FBXL17: variants seen among roughly 807,000 people sequenced by gnomAD.
FBXL17 encodes the protein F-box/LRR-repeat protein 17.
FBXL17 carries 22 observed loss-of-function variants against 66.2 expected under a neutral mutation model. That is an observed-to-expected ratio of 0.33 (90% CI 0.24 to 0.47). The LOEUF is 0.47. Ranked by LOEUF, FBXL17 falls within the 20% of genes least tolerant of loss-of-function variation. The pLI is 1.00. For synonymous variants in FBXL17, 474 were observed against 400.5 expected (o/e 1.18, Z -2.19); for missense variants, 878 against 948.2 (o/e 0.93, Z 0.97).
In FBXL17 at chr5:108,009,294, T is replaced by TAGATAGATAG. The variant is rs1451083581; in HGVS notation, c.1822+11630_1822+11631insCTATCTATCT. Reference sequence around the variant, plus strand: ...ATATATATATATATATATATATATATATATATACATATATACATACACATA... The same window carrying TAGATAGATAG: ...ATATATATATATATATATATATATATAGATAGATAGATATATACATATATACATACACATA... On this transcript the variant is annotated intron_variant, in intron 7 of 8. Coordinates refer to ENST00000542267, the MANE Select transcript of FBXL17 (RefSeq NM_001163315.3). Among the ~76,000 whole-genome samples, 39 of 68,492 alleles carry TAGATAGATAG rather than the reference T, an allele frequency of 5.7e-4. 5 individuals carry two copies. Among genetic ancestry groups the TAGATAGATAG allele is most frequent in the African/African-American group, 2.6e-3 (36 of 13,740 alleles). 44.9% of individuals were successfully genotyped at this position (68,492 alleles called of 152,430 possible).
At chr5:107,994,606 G>C (rs1327778747) in intron 7 of FBXL17, among the ~76,000 whole-genome samples, 1 of 152,194 alleles carries the variant, frequency 6.6e-6, no homozygotes, top group Non-Finnish European at 1.5e-5. Flanking sequence ...TTGGGAGGCT[G>C]AGGTGGGTGG....
At chr5:108,224,992 G>A (rs1372276108) in intron 4 of FBXL17, among the ~76,000 whole-genome samples, 1 of 152,032 alleles carries the variant, frequency 6.6e-6, no homozygotes, top group Non-Finnish European at 1.5e-5. Flanking sequence ...AAAGAGTACA[G>A]TTCAGTATAT....
intron 6 of FBXL17, among the ~76,000 whole-genome samples, chr5:108,041,310 A>G (rs1747037282): frequency 6.6e-6 from 1 of 152,230 alleles, no homozygotes; most frequent in Non-Finnish European, 1.5e-5. Flanking sequence ...GGTGTTAAGT[A>G]GAAAGGATTT....
At chr5:108,024,556 A>T (rs919624820) in intron 6 of FBXL17, among the ~76,000 whole-genome samples, 8 of 152,044 alleles carry the variant, frequency 5.3e-5, no homozygotes, top group Admixed American at 4.6e-4. Context: ...CCCTCAGTTT[A>T]TTTTCCTGCT....
At chr5:108,338,443 G>C (rs1746656812) in intron 4 of FBXL17, among the ~76,000 whole-genome samples, 2 of 152,026 alleles carry the variant, frequency 1.3e-5, no homozygotes, top group African/African-American at 4.8e-5. Flanking sequence ...TAACCATCTA[G>C]ATTTTATGCT....
intron 7 of FBXL17, among the ~76,000 whole-genome samples, chr5:108,015,678 C>T (rs963683712): frequency 2.6e-5 from 4 of 152,192 alleles, no homozygotes; most frequent in African/African-American, 7.2e-5. Flanking sequence ...ACCCAGAATG[C>T]TTGTTGGGGT....
chr5:107,990,616 TG>T (rs1489060170), intron 7 of FBXL17, among the ~76,000 whole-genome samples: 1 of 152,174 alleles, frequency 6.6e-6, no homozygotes, highest in African/African-American at 2.4e-5. Context: ...CTGTGATACT[TG>T]ATTAAGTTGA....
At chr5:108,365,725 T>C (rs1054332857) in intron 2 of FBXL17, among the ~76,000 whole-genome samples, 1 of 152,100 alleles carries the variant, frequency 6.6e-6, no homozygotes, top group African/African-American at 2.4e-5. Flanking sequence ...GGTAGTCTTG[T>C]GGGACTGAGC....
At chr5:107,903,270 C>G (rs1009266569) in intron 7 of FBXL17, among the ~76,000 whole-genome samples, 1 of 152,058 alleles carries the variant, frequency 6.6e-6, no homozygotes, top group African/African-American at 2.4e-5. Flanking sequence ...TTAAAATAAA[C>G]TATCACTGAA....
At chr5:108,248,046 G>A (rs1471454042) in intron 4 of FBXL17, among the ~76,000 whole-genome samples, 2 of 152,042 alleles carry the variant, frequency 1.3e-5, no homozygotes, top group Non-Finnish European at 2.9e-5. Context: ...TGCAATATAG[G>A]AAGCAAAAAG....
chr5:108,125,652 C>T (rs561415274), intron 6 of FBXL17, among the ~76,000 whole-genome samples: 4 of 151,992 alleles, frequency 2.6e-5, no homozygotes, highest in South Asian at 2.1e-4. Flanking sequence ...TTTGATGGAA[C>T]GTGGTAGCTT....
chr5:108,346,248 A>G (rs2112462754), intron 4 of FBXL17, among the ~76,000 whole-genome samples: 1 of 152,246 alleles, frequency 6.6e-6, no homozygotes, highest in Non-Finnish European at 1.5e-5. Context: ...TTTGTAATAA[A>G]CTTAAATGGG....
intron 7 of FBXL17, among the ~76,000 whole-genome samples, chr5:107,911,980 A>C (rs1451166560): frequency 6.6e-6 from 1 of 152,176 alleles, no homozygotes; most frequent in East Asian, 1.9e-4. Context: ...GACCTTTATC[A>C]TTGGACAGAA....
At chr5:108,261,502 G>C (rs1240011307) in intron 4 of FBXL17, among the ~76,000 whole-genome samples, 5 of 152,026 alleles carry the variant, frequency 3.3e-5, no homozygotes, top group Non-Finnish European at 5.9e-5. Flanking sequence ...TATTTTTTAA[G>C]TATTGAAGAA....
chr5:108,064,070 C>G (rs1261887348), intron 6 of FBXL17, among the ~76,000 whole-genome samples: 2 of 151,998 alleles, frequency 1.3e-5, no homozygotes, highest in Non-Finnish European at 2.9e-5. Context: ...AGCAATAATA[C>G]TGTTTAAATA....
At chr5:108,379,150 AT>A (rs1749656960) in intron 1 of FBXL17, among the ~76,000 whole-genome samples, 1 of 152,194 alleles carries the variant, frequency 6.6e-6, no homozygotes, top group Non-Finnish European at 1.5e-5. Context: ...TTATGAGATC[AT>A]GTCCCTTTTT....
intron 6 of FBXL17, among the ~76,000 whole-genome samples, chr5:108,135,662 G>GA (rs1751103912): frequency 6.6e-6 from 1 of 152,008 alleles, no homozygotes; most frequent in Non-Finnish European, 1.5e-5. Context: ...AAAGGCAGGG[G>GA]AAAAAAGGTC....
At chr5:107,945,463 T>A (rs1020707949) in intron 7 of FBXL17, among the ~76,000 whole-genome samples, 1 of 152,130 alleles carries the variant, frequency 6.6e-6, no homozygotes, top group Non-Finnish European at 1.5e-5. Flanking sequence ...ATAACCTAAA[T>A]GCCCATCAAT....
intron 6 of FBXL17, among the ~76,000 whole-genome samples, chr5:108,142,317 T>C (rs982884691): frequency 3.3e-5 from 5 of 152,234 alleles, no homozygotes; most frequent in Non-Finnish European, 7.3e-5. Context: ...TAGTAATTTT[T>C]TTCAAAGACT....
Sources: allele counts gnomAD v4.1 joint callset (sites outside exome capture counted in the v4.1 genomes callset), GRCh38; gene constraint gnomAD v4.1.1; transcripts MANE v1.5; gene names NCBI Gene and HGNC (gene_info 2026-07-23, HGNC 2026-07-21).